LPCAT3: variants seen among roughly 807,000 people sequenced by gnomAD.
LPCAT3 encodes lysophospholipid acyltransferase 5.
Under a neutral mutation model 63.4 loss-of-function variants are expected in LPCAT3, and 21 were observed. The observed-to-expected ratio is 0.33, with a 90% CI of 0.23 to 0.48. LPCAT3 has a LOEUF of 0.48. Ranked by LOEUF, LPCAT3 falls within the 20% of genes least tolerant of loss-of-function variation. The pLI is 0.99. For synonymous variants in LPCAT3, 242 were observed against 227.5 expected, an observed-to-expected ratio of 1.06 and a Z score of -0.58; for missense variants, 451 against 590.6, an observed-to-expected ratio of 0.76 and a Z score of 2.45.
At position 6,981,828 on chromosome 12, in the gene LPCAT3, A is replaced by G. The variant is rs1555154129; in HGVS notation, c.443T>C (p.Leu148Pro). 1 of 1,613,762 alleles carries G rather than the reference A, an allele frequency of 6.2e-7. No homozygotes were observed. The highest frequency in any genetic ancestry group is 8.5e-7 in the Non-Finnish European group (1 of 1,179,610). ...DIKWTMPHCV[L>P]TLKLIGLAVD... ...TCACTCACCAATCAGCTTCAAAGTC[A>G]GAACACAATGTGGCATTGTCCACTT... Residue 148 changes from leucine (L) to proline (P), a missense_variant, in exon 4 of 13, where the codon CTG (leucine) becomes CCG (proline). Leu to Pro is a moderately conservative substitution (Grantham distance 98, BLOSUM62 -3). Around this residue, in one of 3 missense-constraint regions of LPCAT3, gnomAD observed 14 missense variants for 47.8 expected, o/e 0.29. Coordinates refer to ENST00000261407, the MANE Select transcript of LPCAT3 (RefSeq NM_005768.6).
Position 6,980,992 on chromosome 12 carries a change from AG to A in LPCAT3, c.677+11del, listed in dbSNP as rs782208062. On this transcript the variant is annotated intron_variant, in intron 6 of 12. Transcript: ENST00000261407. ...TACCTACACAAACATCTGGACCAAG[AG>A]GGGCAATTACCTGTTTGGTATCTTT... The A allele has an allele frequency of 6.4e-7, 1 of 1,573,522 alleles. No individual in the cohort carries two copies. The highest frequency in any genetic ancestry group is 1.2e-5 in the South Asian group (1 of 85,344).
chr12:7,005,108 C>G (rs782307918), intron 1 of LPCAT3, among the ~76,000 whole-genome samples: 22 of 152,214 alleles, frequency 1.4e-4, no homozygotes, highest in Admixed American at 4.6e-4. Context: ...CACCCTTCCT[C>G]TTATCCCCTA....
At chr12:7,007,243 G>C (rs1555156918) in intron 1 of LPCAT3, among the ~76,000 whole-genome samples, 1 of 151,588 alleles carries the variant, frequency 6.6e-6, no homozygotes, top group Non-Finnish European at 1.5e-5. Context: ...TAGAGACAGG[G>C]TTTCGCCATG....
At chr12:6,976,998 T>C (rs1565595687) in intron 12 of LPCAT3, 107 bp from the exon 13 acceptor site, 2 of 653,126 alleles carry the variant, frequency 3.1e-6, no homozygotes, top group Non-Finnish European at 5.5e-6. Context: ...ACAGTAGTCA[T>C]TGCCCATACT....
chr12:6,981,729 GGAGGGGGGGTGCC>G, intron 4 of LPCAT3, 69 bp downstream of exon 4: 2 of 1,365,978 alleles, frequency 1.5e-6, no homozygotes, highest in Non-Finnish European at 2.1e-6. Context: ...GGCGGGGGGC[GGAGGGGGGGTGCC>G]GAGGAAGTTT....
chr12:6,989,997 ACT>A (rs1555155261), intron 1 of LPCAT3, among the ~76,000 whole-genome samples: 1 of 150,522 alleles, frequency 6.6e-6, no homozygotes, highest in African/African-American at 2.5e-5. Flanking sequence ...ACATAGCAAG[ACT>A]CTGTCTCTAC....
chr12:7,004,325 TTTTGGGGACC>T (rs1291760698), intron 1 of LPCAT3, among the ~76,000 whole-genome samples: 19 of 152,148 alleles, frequency 1.2e-4, no homozygotes, highest in Admixed American at 1.2e-3. Context: ...CAGCTGACAT[TTTTGGGGACC>T]TTTCTTTAAG....
At chr12:6,978,859 A>G in intron 7 of LPCAT3, 170 bp from the exon 8 acceptor site, 1 of 855,046 alleles carries the variant, frequency 1.2e-6, no homozygotes, top group South Asian at 1.8e-5. Context: ...AGAGAGGAAT[A>G]AGCAGAGGGC....
chr12:7,017,875 C>T lies in LPCAT3; in HGVS notation c.151+399G>A, dbSNP rs1946806059. On this transcript the variant is annotated intron_variant, in intron 1 of 12. Coordinates refer to ENST00000261407, the MANE Select transcript of LPCAT3 (RefSeq NM_005768.6). This position sits in a 1 kb window ranked among gnomAD's most constrained non-coding sequence, Gnocchi z 4.1. ...AGGCCGAAAGGGCTAAAGTTAGGGG[C>T]CCTATGCCTACCGATGAGATGCGCG... 6.6e-6 allele frequency among the ~76,000 whole-genome samples: 1 copy of T among 152,186 alleles called. No individual in the cohort carries two copies. Among genetic ancestry groups the T allele is most frequent in the Admixed American group, 6.5e-5 (1 of 15,290 alleles).
At chr12:6,979,627 T>A in intron 6 of LPCAT3, 48 bp from the exon 7 acceptor site, 1 of 1,302,436 alleles carries the variant, frequency 7.7e-7, no homozygotes, top group Non-Finnish European at 1.1e-6. Context: ...CAGAGACTAT[T>A]CCCTTCACCC....
At chr12:6,986,788 T>C (rs1946530619) in intron 1 of LPCAT3, among the ~76,000 whole-genome samples, 1 of 121,812 alleles carries the variant, frequency 8.2e-6, no homozygotes, top group African/African-American at 3.3e-5. Flanking sequence ...AGAGTGAGAC[T>C]CTGTCTCAAA....
At position 6,986,896 on chromosome 12, in the gene LPCAT3, C is replaced by T. The variant is rs782406938; in HGVS notation, c.152-3357G>A. ...TGGGAGGCTTAGGCGGGTGGGTCGCCTGAGATCAGGAGTTTGAGACGAGCC... is the reference window on the plus strand; with the variant it reads ...TGGGAGGCTTAGGCGGGTGGGTCGCTTGAGATCAGGAGTTTGAGACGAGCC... On this transcript the variant is annotated intron_variant, in intron 1 of 12. Transcript: ENST00000261407. Among the ~76,000 whole-genome samples, 5 of 151,910 alleles carry T rather than the reference C, an allele frequency of 3.3e-5. No homozygotes were observed. In the South Asian group the frequency reaches 1.0e-3, roughly 32 times the overall value.
chr12:6,998,566 T>C (rs782428582), intron 1 of LPCAT3, among the ~76,000 whole-genome samples: 1 of 152,338 alleles, frequency 6.6e-6, no homozygotes, highest in African/African-American at 2.4e-5. Flanking sequence ...ACTTAAGTGA[T>C]GGGTAACTGA....
At chr12:6,985,208 G>A (rs1470875651) in intron 1 of LPCAT3, among the ~76,000 whole-genome samples, 2 of 151,412 alleles carry the variant, frequency 1.3e-5, no homozygotes, top group Non-Finnish European at 1.5e-5. Flanking sequence ...TGGCTAACAC[G>A]GTGAAACCCC....
chr12:6,987,937 C>A lies in LPCAT3; in HGVS notation c.152-4398G>T. Reference sequence around the variant, plus strand: ...TATAGCCTGTCTGTCCCTTTCCTTGCTACTCTGGGATCAACAGTCACCTCT... The same window carrying A: ...TATAGCCTGTCTGTCCCTTTCCTTGATACTCTGGGATCAACAGTCACCTCT... On this transcript the variant is annotated intron_variant, in intron 1 of 12. Transcript: ENST00000261407. This position sits in a 1 kb window ranked among gnomAD's most constrained non-coding sequence, Gnocchi z 4.1. 1 of 399,288 alleles carries A rather than the reference C, an allele frequency of 2.5e-6. No homozygotes were observed. The highest frequency in any genetic ancestry group is 3.6e-5 in the East Asian group (1 of 28,022). 24.7% of individuals were successfully genotyped at this position (399,288 alleles called of 1,614,324 possible).
intron 1 of LPCAT3, among the ~76,000 whole-genome samples, chr12:6,984,027 A>G (rs1946498783): frequency 6.6e-6 from 1 of 152,188 alleles, no homozygotes; most frequent in African/African-American, 2.4e-5. Flanking sequence ...ATGCTCCAGA[A>G]ACACTCATTT....
chr12:6,981,475 C>T lies in LPCAT3; in HGVS notation c.498+120G>A, dbSNP rs1373685496. Reference sequence around the variant, plus strand: ...TCAGTGCTATCTGAAAGGGAGATTGCACAGGCTGGGGAATGAGGGAGAGGC... The same window carrying T: ...TCAGTGCTATCTGAAAGGGAGATTGTACAGGCTGGGGAATGAGGGAGAGGC... On this transcript the variant is annotated intron_variant, in intron 5 of 12. Coordinates refer to ENST00000261407, the MANE Select transcript of LPCAT3 (RefSeq NM_005768.6). The T allele has an allele frequency of 7.9e-6, 8 of 1,006,586 alleles. No homozygotes were observed. The African/African-American group carries it at 1.3e-4, about 16-fold the overall frequency. The allele number at this position is 1,006,586 out of a possible 1,614,324, so 62.4% of individuals were successfully genotyped here.
chr12:6,981,090 G>A lies in LPCAT3; in HGVS notation c.591C>T (p.Phe197=), dbSNP rs782380571. The change falls in exon 6 of 13, where the codon TTC becomes TTT. Residue 197 remains phenylalanine, a synonymous_variant. Transcript: ENST00000261407. ...VAGFSYFYGA[F]LVGPQFSMNH... ...TCATTGAGAACTGGGGCCCTACCAA[G>A]AAGGCCCCATAGAAGTAGGAGAAAC... The A allele has an allele frequency of 1.2e-6, 2 of 1,613,912 alleles. No individual in the cohort carries two copies. The highest frequency in any genetic ancestry group is 1.1e-5 in the South Asian group (1 of 91,068).
Position 6,987,796 on chromosome 12 carries a change from T to C in LPCAT3, c.152-4257A>G. On this transcript the variant is annotated intron_variant, in intron 1 of 12. Transcript: ENST00000261407. This position sits in a 1 kb window ranked among gnomAD's most constrained non-coding sequence, Gnocchi z 4.1. ...ACATTTTCTAGGTGTCTGGATCGTATCTATTCCAGAGTAAAGTCATGATGG... is the reference window on the plus strand; with the variant it reads ...ACATTTTCTAGGTGTCTGGATCGTACCTATTCCAGAGTAAAGTCATGATGG... The C allele has an allele frequency of 2.5e-6, 1 of 400,812 alleles. No homozygotes were observed. Among genetic ancestry groups the C allele is most frequent in the Non-Finnish European group, 4.4e-6 (1 of 226,246 alleles). The allele number at this position is 400,812 out of a possible 1,614,324, so 24.8% of individuals were successfully genotyped here.
Sources: gnomAD v4.1 joint callset for allele counts (sites outside exome capture counted in the v4.1 genomes callset) on GRCh38, gnomAD v4.1.1 for gene constraint, gnomAD v4.1.1 regional missense constraint, Gnocchi (gnomAD v3.1) non-coding constraint, MANE v1.5 for transcripts, NCBI Gene and HGNC (gene_info 2026-07-23, HGNC 2026-07-21) for gene names.